Variants in C9orf85 observed in about 807,000 individuals in gnomAD.
The protein encoded by C9orf85 is chromosome 9 open reading frame 85.
In C9orf85, 16 loss-of-function variants were observed where a neutral mutation model predicts 14.9. The observed-to-expected ratio is 1.08, with a 90% CI of 0.73 to 1.63. The LOEUF (loss-of-function observed/expected upper bound fraction) is 1.63, where lower values mean the gene tolerates loss of function less well. C9orf85 is among the 40% of genes most tolerant of loss of function. The probability of loss-of-function intolerance (pLI) is 0.00; values close to 1 mark genes in which losing one functional copy is unlikely to be tolerated. For synonymous variants in C9orf85, 45 were observed against 56.8 expected (o/e 0.79, Z 0.93); for missense variants, 172 against 186.1 (o/e 0.92, Z 0.44).
chr9:71,970,981 C>G (rs2181812), intron 2 of C9orf85, among the ~76,000 whole-genome samples: 122,766 of 151,944 alleles, frequency 0.81, 50,523 homozygotes, highest in East Asian at 0.93. Flanking sequence ...TCTCAAACTC[C>G]TGATCTCAGG....
At chr9:71,948,126 AT>A (rs1822145924) in intron 2 of C9orf85, among the ~76,000 whole-genome samples, 2 of 152,208 alleles carry the variant, frequency 1.3e-5, no homozygotes, top group African/African-American at 4.8e-5. Context: ...ATAAGATTTA[AT>A]TTGGTAATCT....
At chr9:71,939,163 A>T (rs2132291522) in intron 1 of C9orf85, among the ~76,000 whole-genome samples, 1 of 151,932 alleles carries the variant, frequency 6.6e-6, no homozygotes, top group East Asian at 1.9e-4. Context: ...CATCTATAAA[A>T]GTAATAAAGT....
At chr9:71,954,394 A>G (rs888056832) in intron 2 of C9orf85, among the ~76,000 whole-genome samples, 1 of 152,272 alleles carries the variant, frequency 6.6e-6, no homozygotes, top group South Asian at 2.1e-4. Flanking sequence ...GTCCCAATCC[A>G]GACCCCAAGA....
At chr9:71,958,503 C>A (rs938364350) in intron 2 of C9orf85, among the ~76,000 whole-genome samples, 1 of 151,904 alleles carries the variant, frequency 6.6e-6, no homozygotes, top group Non-Finnish European at 1.5e-5. Context: ...CTCAGGTGAT[C>A]CGCCCGCCTC....
downstream of C9orf85, among the ~76,000 whole-genome samples, chr9:71,976,746 CCT>C (rs1408408860): frequency 6.8e-6 from 1 of 146,162 alleles, no homozygotes; most frequent in African/African-American, 2.5e-5. Flanking sequence ...TTTTTCAACT[CCT>C]CAGGTGATTC....
chr9:71,946,961 G>T, intron 1 of C9orf85, 45 bp from the exon 2 acceptor site: 1 of 1,349,880 alleles, frequency 7.4e-7, no homozygotes, highest in Non-Finnish European at 1.0e-6. Context: ...TGCAATGCTG[G>T]CTCACGCGTG....
chr9:71,948,687 A>G (rs980449123), intron 2 of C9orf85, among the ~76,000 whole-genome samples: 2 of 152,058 alleles, frequency 1.3e-5, no homozygotes, highest in African/African-American at 4.8e-5. Flanking sequence ...ATGCCTGGCT[A>G]ATTTTTGTAT....
intron 1 of C9orf85, among the ~76,000 whole-genome samples, chr9:71,914,392 C>T (rs1461625121): frequency 6.6e-6 from 1 of 151,914 alleles, no homozygotes; most frequent in East Asian, 1.9e-4. Flanking sequence ...TGGCCCAAGA[C>T]AATTCTTCCA....
intron 3 of C9orf85, 94 bp downstream of exon 3, chr9:71,971,712 G>A (rs972081960): frequency 3.6e-5 from 29 of 809,112 alleles, no homozygotes; most frequent in Admixed American, 1.4e-4. Flanking sequence ...AGTGGCTCAC[G>A]CCTGTAATCC....
intron 3 of C9orf85, chr9:71,982,564 C>T: frequency 2.7e-6 from 1 of 367,700 alleles, no homozygotes; most frequent in Admixed American, 3.7e-5. Context: ...TTGTAATTGT[C>T]AGTGCATTTT....
chr9:71,942,548 T>C (rs987149196), intron 1 of C9orf85, among the ~76,000 whole-genome samples: 5 of 152,226 alleles, frequency 3.3e-5, no homozygotes, highest in African/African-American at 7.2e-5. Flanking sequence ...AGATACTTTA[T>C]GTCCAACAAT....
intron 2 of C9orf85, among the ~76,000 whole-genome samples, chr9:71,968,323 T>C (rs899682410): frequency 6.6e-6 from 1 of 152,068 alleles, no homozygotes; most frequent in Non-Finnish European, 1.5e-5. Context: ...TATTTCTTCC[T>C]ATTTGTTTTT....
intron 2 of C9orf85, among the ~76,000 whole-genome samples, chr9:71,960,456 G>T (rs1467638367): frequency 6.6e-6 from 1 of 152,162 alleles, no homozygotes; most frequent in Non-Finnish European, 1.5e-5. Flanking sequence ...TAAATGAAAA[G>T]AAAACTAAAC....
chr9:71,933,396 C>G (rs901247994), intron 1 of C9orf85, among the ~76,000 whole-genome samples: 1 of 152,098 alleles, frequency 6.6e-6, no homozygotes, highest in Non-Finnish European at 1.5e-5. Context: ...AATAATCCCC[C>G]TGTTATATGC....
At chr9:71,982,621 T>C in intron 3 of C9orf85, 1 of 402,560 alleles carries the variant, frequency 2.5e-6, no homozygotes, top group South Asian at 1.8e-5. Context: ...GTGGTTTTAA[T>C]TTGTATATTT....
chr9:71,930,803 CAAAAAAAAAAA>C (rs747596247), intron 1 of C9orf85, among the ~76,000 whole-genome samples: 7,833 of 61,198 alleles, frequency 0.13, 345 homozygotes, highest in South Asian at 0.33. Context: ...GACCCTGTCT[CAAAAAAAAAAA>C]AAAAAAAAAA....
intron 3 of C9orf85, among the ~76,000 whole-genome samples, chr9:71,980,016 C>CTTTTTT (rs11311141): frequency 1.9e-5 from 2 of 104,490 alleles, no homozygotes; most frequent in Non-Finnish European, 2.0e-5. Flanking sequence ...TTTCTTTTTT[C>CTTTTTT]TTTTTTTTTT....
At chr9:71,983,471 C>T (rs984871954), downstream of C9orf85, 2 of 152,148 alleles carry the variant, frequency 1.3e-5, no homozygotes, top group Non-Finnish European at 2.9e-5. Context: ...AATATTTTCT[C>T]GCTGTCTGTA....
chr9:71,917,925 G>A (rs932749574), intron 1 of C9orf85, among the ~76,000 whole-genome samples: 1 of 152,242 alleles, frequency 6.6e-6, no homozygotes, highest in Non-Finnish European at 1.5e-5. Flanking sequence ...GCTCATGCCT[G>A]TAATCACAGC....
Sources: gnomAD v4.1 joint callset for allele counts (sites outside exome capture counted in the v4.1 genomes callset) on GRCh38, gnomAD v4.1.1 for gene constraint, MANE v1.5 for transcripts, NCBI Gene and HGNC (gene_info 2026-07-23, HGNC 2026-07-21) for gene names.